The following DPP10 variants were observed in gnomAD, a reference collection of about 807,000 sequenced individuals.
DPP10 encodes the protein inactive dipeptidyl peptidase 10.
A neutral mutation model predicts 120.9 loss-of-function variants in DPP10; 33 were observed. The observed-to-expected ratio is 0.27, with a 90% CI of 0.21 to 0.37. DPP10 has a LOEUF of 0.37. Ranked by LOEUF, DPP10 falls within the 10% of genes least tolerant of loss-of-function variation. The pLI is 1.00. For synonymous variants in DPP10, 337 were observed against 326.1 expected (o/e 1.03, Z -0.36); for missense variants, 816 against 942.8 (o/e 0.87, Z 1.76).
At chr2:114,861,059 A>C (rs920811350) in intron 1 of DPP10, among the ~76,000 whole-genome samples, 1 of 152,188 alleles carries the variant, frequency 6.6e-6, no homozygotes, top group African/African-American at 2.4e-5. Context: ...ACTTTACAAC[A>C]TAAACCCTCT....
Position 114,752,773 on chromosome 2 carries a change from C to T in DPP10, c.60+309935C>T, listed in dbSNP as rs535888688. Among the ~76,000 whole-genome samples, 6 of 152,284 alleles carry T rather than the reference C, an allele frequency of 3.9e-5. No individual in the cohort carries two copies. In the South Asian group the frequency reaches 1.0e-3, roughly 26 times the overall value. On this transcript the variant is annotated intron_variant, in intron 1 of 25. Transcript: ENST00000410059. ...GAGAACCACTCAAATTGAATGACAC[C>T]CCTGTTTTACTTGCTTCCGTTTTCC...
At chr2:114,790,291 G>T (rs1027110855) in intron 1 of DPP10, among the ~76,000 whole-genome samples, 1 of 152,042 alleles carries the variant, frequency 6.6e-6, no homozygotes, top group Non-Finnish European at 1.5e-5. Context: ...AAGGAAAATG[G>T]TTACTTCTTC....
At chr2:115,419,473 A>G (rs755237933) in intron 3 of DPP10, among the ~76,000 whole-genome samples, 2 of 152,110 alleles carry the variant, frequency 1.3e-5, no homozygotes, top group East Asian at 3.9e-4. Context: ...CTGATTTCTA[A>G]TGAGCTAGTA....
At chr2:115,446,094 G>A (rs1205223031) in intron 3 of DPP10, among the ~76,000 whole-genome samples, 1 of 152,238 alleles carries the variant, frequency 6.6e-6, no homozygotes, top group East Asian at 1.9e-4. Context: ...GATGATAAGG[G>A]CCAAGGTACA....
At chr2:114,662,403 G>A (rs2105558033) in intron 1 of DPP10, among the ~76,000 whole-genome samples, 1 of 152,328 alleles carries the variant, frequency 6.6e-6, no homozygotes, top group South Asian at 2.1e-4. Flanking sequence ...GCCGCCCTGA[G>A]CACAGGCGAT....
At chr2:114,881,072 C>A (rs1321077782) in intron 1 of DPP10, among the ~76,000 whole-genome samples, 1 of 152,102 alleles carries the variant, frequency 6.6e-6, no homozygotes, top group Non-Finnish European at 1.5e-5. Flanking sequence ...TGAAGCCAAT[C>A]TTACCTGTAT....
At chr2:114,998,282 C>G (rs1701224616) in intron 1 of DPP10, among the ~76,000 whole-genome samples, 1 of 152,152 alleles carries the variant, frequency 6.6e-6, no homozygotes, top group South Asian at 2.1e-4. Context: ...AATTGGTGGG[C>G]ATTATTGATG....
intron 1 of DPP10, among the ~76,000 whole-genome samples, chr2:114,870,533 G>GACTT (rs1227950264): frequency 0.015 from 1,452 of 94,216 alleles, 277 homozygotes; most frequent in East Asian, 0.074. Context: ...GCTACAAAAA[G>GACTT]TAGTCAGGTA....
chr2:115,170,839 A>C (rs578259751), intron 1 of DPP10, among the ~76,000 whole-genome samples: 3 of 152,320 alleles, frequency 2.0e-5, no homozygotes, highest in Admixed American at 1.3e-4. Context: ...AATTGCTCCA[A>C]AATGAGATTT....
intron 1 of DPP10, among the ~76,000 whole-genome samples, chr2:115,290,326 T>C: frequency 6.6e-6 from 1 of 152,276 alleles, no homozygotes; most frequent in East Asian, 1.9e-4. Flanking sequence ...AATGTTCAAG[T>C]TACCTTGAAA....
At chr2:115,658,641 CTA>C (rs1348161503) in intron 5 of DPP10, among the ~76,000 whole-genome samples, 2 of 152,066 alleles carry the variant, frequency 1.3e-5, no homozygotes, top group African/African-American at 4.8e-5. Context: ...GTACAAAAAT[CTA>C]TTAGATCTAT....
chr2:115,802,237 T>G (rs1416909505), intron 19 of DPP10, among the ~76,000 whole-genome samples: 2 of 152,216 alleles, frequency 1.3e-5, no homozygotes, highest in African/African-American at 4.8e-5. Flanking sequence ...GTTTATAGTA[T>G]TCTCTGACGG....
intron 1 of DPP10, among the ~76,000 whole-genome samples, chr2:115,235,112 G>T (rs17452958): frequency 0.061 from 9,245 of 152,180 alleles, 324 homozygotes; most frequent in Middle Eastern, 0.11. Context: ...TTCGTTCTCA[G>T]TGTGACCTCT....
At chr2:114,985,143 A>C (rs1700318113) in intron 1 of DPP10, among the ~76,000 whole-genome samples, 1 of 152,110 alleles carries the variant, frequency 6.6e-6, no homozygotes, top group South Asian at 2.1e-4. Flanking sequence ...ACCTCCTCCC[A>C]TCATGCTTAC....
chr2:115,493,652 T>C (rs993358792), intron 3 of DPP10, among the ~76,000 whole-genome samples: 45 of 151,292 alleles, frequency 3.0e-4, no homozygotes, highest in African/African-American at 1.1e-3. Flanking sequence ...GAGAAGAGGA[T>C]TGCAAAACCC....
At chr2:114,640,167 A>T (rs1382267479) in intron 1 of DPP10, among the ~76,000 whole-genome samples, 1 of 151,890 alleles carries the variant, frequency 6.6e-6, no homozygotes, top group Non-Finnish European at 1.5e-5. Context: ...CTAGCTCAAG[A>T]ATCTCTGAGG....
intron 1 of DPP10, among the ~76,000 whole-genome samples, chr2:114,818,870 A>G (rs1314223381): frequency 6.6e-6 from 1 of 152,160 alleles, no homozygotes; most frequent in Non-Finnish European, 1.5e-5. Flanking sequence ...CCATTCCCTA[A>G]TAAATGAATG....
At chr2:115,007,013 A>G (rs937133656) in intron 1 of DPP10, among the ~76,000 whole-genome samples, 8 of 152,088 alleles carry the variant, frequency 5.3e-5, no homozygotes, top group Non-Finnish European at 4.4e-5. Context: ...ATTATAACAA[A>G]CTATCTCTCA....
chr2:115,161,965 C>T (rs1346054642), intron 1 of DPP10: 2 of 1,430,570 alleles, frequency 1.4e-6, no homozygotes, highest in African/African-American at 3.0e-5. Context: ...CGATGACGGC[C>T]GCGAAGCAGG....
Sources: allele counts gnomAD v4.1 joint callset (sites outside exome capture counted in the v4.1 genomes callset), GRCh38; gene constraint gnomAD v4.1.1; transcripts MANE v1.5; gene names NCBI Gene and HGNC (gene_info 2026-07-23, HGNC 2026-07-21).